CEP120: variants seen among roughly 807,000 people sequenced by gnomAD.
The protein encoded by CEP120 is centrosomal protein of 120 kDa.
Under a neutral mutation model 126.5 loss-of-function variants are expected in CEP120, and 113 were observed. The observed-to-expected ratio is 0.89, with a 90% CI of 0.77 to 1.04. The LOEUF is 1.04. Ranked by LOEUF, CEP120 falls within the 50% of genes least tolerant of loss-of-function variation. CEP120 has a pLI of 0.00. For synonymous variants in CEP120, 400 were observed against 394.3 expected (o/e 1.01, Z -0.17); for missense variants, 1,230 against 1,155.7 (o/e 1.06, Z -0.93).
At chr5:123,388,938 C>T (rs1366708192) in intron 8 of CEP120, among the ~76,000 whole-genome samples, 3 of 152,278 alleles carry the variant, frequency 2.0e-5, no homozygotes, top group African/African-American at 7.2e-5. Context: ...ATTTGAAGGG[C>T]TGTATATGAG....
chr5:123,416,601 A>T (rs1774410377), intron 2 of CEP120, among the ~76,000 whole-genome samples: 1 of 149,116 alleles, frequency 6.7e-6, no homozygotes, highest in Non-Finnish European at 1.5e-5. Context: ...AAATAAAAAA[A>T]ATAAACAGGT....
chr5:123,355,883 T>C (rs952441487), intron 18 of CEP120, among the ~76,000 whole-genome samples: 6 of 148,254 alleles, frequency 4.0e-5, no homozygotes, highest in Admixed American at 3.4e-4. Context: ...ATTACCTAGG[T>C]TTTCTTCTGG....
intron 14 of CEP120, among the ~76,000 whole-genome samples, chr5:123,380,066 A>G (rs540099541): frequency 2.0e-5 from 3 of 152,148 alleles, no homozygotes; most frequent in African/African-American, 7.2e-5. Flanking sequence ...GTAAATTTTC[A>G]AAGTGTGAAA....
chr5:123,408,091 C>T (rs1013387308), intron 4 of CEP120, among the ~76,000 whole-genome samples: 2 of 152,012 alleles, frequency 1.3e-5, no homozygotes, highest in South Asian at 2.1e-4. Context: ...AGGATAATTT[C>T]GCTGGGCACA....
At chr5:123,422,473 A>T (rs62377766) in intron 1 of CEP120, 320,090 of 1,526,086 alleles carry the variant, frequency 0.21, 35,827 homozygotes, top group Middle Eastern at 0.26. Flanking sequence ...ACACCTTTTA[A>T]GGAATGTATA....
chr5:123,395,209 T>C (rs1310961891), intron 5 of CEP120, among the ~76,000 whole-genome samples: 1 of 152,226 alleles, frequency 6.6e-6, no homozygotes, highest in African/African-American at 2.4e-5. Flanking sequence ...TTCTTTATTA[T>C]CCTGATATTT....
chr5:123,349,519 C>T (rs550753908), intron 19 of CEP120, among the ~76,000 whole-genome samples: 1 of 152,154 alleles, frequency 6.6e-6, no homozygotes, highest in South Asian at 2.1e-4. Flanking sequence ...CTGATATCAT[C>T]ACACAAAAAT....
At chr5:123,361,181 C>T (rs1298062547) in intron 18 of CEP120, among the ~76,000 whole-genome samples, 1 of 151,770 alleles carries the variant, frequency 6.6e-6, no homozygotes, top group South Asian at 2.1e-4. Flanking sequence ...TCCCCATCTA[C>T]TCTCCAGTTA....
intron 1 of CEP120, among the ~76,000 whole-genome samples, chr5:123,419,556 A>AAAC (rs1554106710): frequency 3.0e-5 from 4 of 133,740 alleles, no homozygotes; most frequent in Admixed American, 7.2e-5. Context: ...ACAAAAACAA[A>AAAC]AAAAAAAAAA....
intron 18 of CEP120, among the ~76,000 whole-genome samples, chr5:123,360,474 G>C (rs1012706005): frequency 2.6e-5 from 4 of 151,768 alleles, no homozygotes; most frequent in Admixed American, 2.6e-4. Flanking sequence ...GGTTTGCAAT[G>C]AAAAAGCAAT....
At chr5:123,402,673 A>ACC (rs1438813757) in intron 4 of CEP120, among the ~76,000 whole-genome samples, 1 of 152,214 alleles carries the variant, frequency 6.6e-6, no homozygotes, top group Admixed American at 6.5e-5. Context: ...TCAGCCTCCC[A>ACC]AAGTGCTGGA....
intron 4 of CEP120, among the ~76,000 whole-genome samples, chr5:123,410,470 T>A (rs74455127): frequency 0.19 from 28,843 of 152,230 alleles, 3,196 homozygotes; most frequent in Middle Eastern, 0.25. Context: ...CAGTGTTGCA[T>A]TGACAAACAA....
At chr5:123,390,249 G>A (rs764529402) in intron 7 of CEP120, 109 bp from the exon 8 acceptor site, 4 of 841,780 alleles carry the variant, frequency 4.8e-6, no homozygotes, top group Admixed American at 2.1e-5. Context: ...TCCCAGTTTG[G>A]ATATTCCTAG....
At chr5:123,422,508 C>T (rs984930171) in intron 1 of CEP120, 55 of 1,535,334 alleles carry the variant, frequency 3.6e-5, no homozygotes, top group Non-Finnish European at 4.5e-5. Context: ...GAACTGTAGT[C>T]CCCTGAGTCC....
At chr5:123,364,678 C>A (rs1169005545) in intron 17 of CEP120, 84 bp from the exon 18 acceptor site, 6 of 704,240 alleles carry the variant, frequency 8.5e-6, no homozygotes, top group Non-Finnish European at 1.4e-5. Flanking sequence ...AAGAGTCTGG[C>A]TTAAGAAAAG....
At chr5:123,409,422 T>C (rs1196893959) in intron 4 of CEP120, among the ~76,000 whole-genome samples, 2 of 147,456 alleles carry the variant, frequency 1.4e-5, no homozygotes, top group Non-Finnish European at 3.0e-5. Flanking sequence ...GCCTTACTAA[T>C]GGAAAAGAAA....
chr5:123,364,840 CCAGA>C (rs1178411580), intron 17 of CEP120, among the ~76,000 whole-genome samples: 1 of 151,488 alleles, frequency 6.6e-6, no homozygotes, highest in Non-Finnish European at 1.5e-5. Flanking sequence ...GTCTTAACCT[CCAGA>C]CAGTTACTAT....
intron 9 of CEP120, among the ~76,000 whole-genome samples, chr5:123,387,394 C>T (rs1395444151): frequency 6.6e-6 from 1 of 151,992 alleles, no homozygotes; most frequent in Non-Finnish European, 1.5e-5. Flanking sequence ...TTTCAGCTCC[C>T]TATGCTTACC....
chr5:123,377,858 GA>G (rs1342753422), intron 15 of CEP120, among the ~76,000 whole-genome samples: 1 of 152,000 alleles, frequency 6.6e-6, no homozygotes, highest in Non-Finnish European at 1.5e-5. Context: ...TCTTCTTTTA[GA>G]AACTTCTGAT....
Sources: gnomAD v4.1 joint callset for allele counts (sites outside exome capture counted in the v4.1 genomes callset) on GRCh38, gnomAD v4.1.1 for gene constraint, MANE v1.5 for transcripts, NCBI Gene and HGNC (gene_info 2026-07-23, HGNC 2026-07-21) for gene names.